Variants in CTIF observed in about 807,000 individuals in gnomAD.
CTIF encodes cap binding complex dependent translation initiation factor, also known as CBP80/20-dependent translation initiation factor.
CTIF carries 21 observed loss-of-function variants against 66.0 expected under a neutral mutation model. The ratio of observed to expected loss-of-function variants is 0.32; its 90% CI spans 0.23 to 0.46. The LOEUF (loss-of-function observed/expected upper bound fraction) is 0.46. Among genes scored for constraint, CTIF ranks in the 20% least tolerant of loss-of-function variants. The pLI, the probability that CTIF is intolerant of heterozygous loss-of-function variation, is 1.00. For missense variants in CTIF, 739 were observed against 812.7 expected, an observed-to-expected ratio of 0.91 and a Z score of 1.10; for synonymous variants, 345 against 326.4, an observed-to-expected ratio of 1.06 and a Z score of -0.62.
chr18:48,832,609 G>A (rs1376745843), intron 10 of CTIF, among the ~76,000 whole-genome samples: 9 of 152,192 alleles, frequency 5.9e-5, no homozygotes. Flanking sequence ...AGAAATCGTG[G>A]CCGAGTGTGT....
chr18:48,821,561 T>C (rs1490805486), intron 10 of CTIF, among the ~76,000 whole-genome samples: 1 of 152,242 alleles, frequency 6.6e-6, no homozygotes, highest in African/African-American at 2.4e-5. Flanking sequence ...TCCCAGTAGA[T>C]CTTGGTGGAA....
At chr18:48,548,215 G>C (rs1401089220) in intron 1 of CTIF, among the ~76,000 whole-genome samples, 3 of 152,136 alleles carry the variant, frequency 2.0e-5, no homozygotes, top group South Asian at 2.1e-4. Context: ...TCCCCATGCT[G>C]TTCCCTTATA....
chr18:48,690,073 T>C (rs1303820124), intron 6 of CTIF, among the ~76,000 whole-genome samples: 4 of 152,228 alleles, frequency 2.6e-5, no homozygotes, highest in African/African-American at 9.6e-5. Flanking sequence ...CTCCCTGTCC[T>C]ATAAGAAGGT....
chr18:48,717,761 CTG>C (rs1273882924), intron 7 of CTIF, among the ~76,000 whole-genome samples: 2 of 152,182 alleles, frequency 1.3e-5, no homozygotes, highest in Non-Finnish European at 2.9e-5. Flanking sequence ...GGGTCTTGCT[CTG>C]TCACCCAGGC....
intron 7 of CTIF, among the ~76,000 whole-genome samples, chr18:48,739,614 G>A (rs935653277): frequency 6.6e-6 from 1 of 152,228 alleles, no homozygotes; most frequent in African/African-American, 2.4e-5. Context: ...GACTGAGTGA[G>A]CCTGTGCTGA....
In CTIF at chr18:48,761,276, G is replaced by A; in HGVS notation, c.1072-114G>A. On this transcript the variant is annotated intron_variant, in intron 8 of 11. Transcript: ENST00000256413. The surrounding 1 kb of genome is among the most constrained non-coding windows in gnomAD (Gnocchi z 4.2). ...CAGAGGGACCAGCCCTCAGATCCAG[G>A]GAAGTAGGCCTGGTCCTGCTTTCTG... The A allele has an allele frequency of 2.1e-6, 2 of 968,258 alleles. No homozygotes were observed. Among genetic ancestry groups the A allele is most frequent in the Admixed American group, 2.5e-5 (1 of 40,078 alleles). 60.0% of individuals were successfully genotyped at this position (968,258 alleles called of 1,614,324 possible). A position where few individuals can be genotyped will look rare whatever the true frequency, so the allele number is the denominator to read the frequency against.
chr18:48,658,997 G>A (rs188258184), intron 3 of CTIF, among the ~76,000 whole-genome samples: 114 of 152,296 alleles, frequency 7.5e-4, no homozygotes, highest in Admixed American at 3.3e-3. Flanking sequence ...AGCATCAAGG[G>A]ACAGCAAAGG....
chr18:48,852,842 TTG>T (rs1260599499), intron 10 of CTIF, among the ~76,000 whole-genome samples: 89 of 152,352 alleles, frequency 5.8e-4, no homozygotes, highest in Middle Eastern at 3.4e-3. Context: ...ACTTCTGTTG[TTG>T]ATGATTATCA....
rs28728353 is a variant in CTIF at position 48,616,487 on chromosome 18, G to A, written c.-28-3051G>A. ...AGGGACTGAGCAGGCCACCAGGAGT[G>A]GGGATGGAGAGAAGGCAGTTGGGGT... On this transcript the variant is annotated intron_variant, in intron 1 of 11. Transcript: ENST00000256413. 6.2e-3 allele frequency among the ~76,000 whole-genome samples: 942 copies of A among 152,314 alleles called. 19 individuals carry two copies. The highest frequency in any genetic ancestry group is 0.022 in the African/African-American group (911 of 41,562).
chr18:48,746,776 G>A (rs1182962148), intron 7 of CTIF, among the ~76,000 whole-genome samples: 1 of 152,202 alleles, frequency 6.6e-6, no homozygotes, highest in Admixed American at 6.5e-5. Context: ...GAGTTCCCCT[G>A]CAGTCTTAGG....
intron 9 of CTIF, among the ~76,000 whole-genome samples, chr18:48,763,373 C>A (rs1038165155): frequency 2.0e-5 from 3 of 152,230 alleles, no homozygotes; most frequent in Non-Finnish European, 4.4e-5. Flanking sequence ...GTGGCCTCAC[C>A]CACAAGTGTC....
At chr18:48,730,460 C>CCT (rs1568171554) in intron 7 of CTIF, among the ~76,000 whole-genome samples, 9 of 100,492 alleles carry the variant, frequency 9.0e-5, no homozygotes, top group Non-Finnish European at 1.5e-4. Flanking sequence ...GAGGGGCTTC[C>CCT]GCGGTGTGAG....
chr18:48,797,494 G>GA (rs200471244), intron 9 of CTIF, among the ~76,000 whole-genome samples: 2 of 142,418 alleles, frequency 1.4e-5, no homozygotes, highest in African/African-American at 5.3e-5. Context: ...AAAAGAAAAG[G>GA]GGTGGGGGGG....
intron 1 of CTIF, among the ~76,000 whole-genome samples, chr18:48,598,794 C>T (rs1241289126): frequency 6.6e-6 from 1 of 152,138 alleles, no homozygotes; most frequent in African/African-American, 2.4e-5. Context: ...CAGCATGGGC[C>T]AAAAGTACTT....
chr18:48,734,146 T>A (rs1003407270), intron 7 of CTIF, among the ~76,000 whole-genome samples: 4 of 152,142 alleles, frequency 2.6e-5, no homozygotes, highest in Non-Finnish European at 5.9e-5. Flanking sequence ...CCAGGCTGTT[T>A]GGAAAAGAGA....
intron 6 of CTIF, among the ~76,000 whole-genome samples, chr18:48,700,659 G>A (rs1320194258): frequency 1.3e-5 from 2 of 152,336 alleles, no homozygotes; most frequent in African/African-American, 2.4e-5. Flanking sequence ...CCCCTCAAGC[G>A]TGGGCCGTGC....
intron 1 of CTIF, among the ~76,000 whole-genome samples, chr18:48,587,704 C>G (rs975880939): frequency 6.6e-6 from 1 of 152,210 alleles, no homozygotes; most frequent in African/African-American, 2.4e-5. Flanking sequence ...CTCTAAATAT[C>G]TGCAAGTTCG....
chr18:48,814,968 T>G (rs1204360360), intron 9 of CTIF, among the ~76,000 whole-genome samples: 1 of 152,216 alleles, frequency 6.6e-6, no homozygotes, highest in Non-Finnish European at 1.5e-5. Context: ...CCATGAGGTC[T>G]GCAGGCATGG....
rs960732024 is a variant in CTIF, at chr18:48,785,898, G to A, written c.1371+24209G>A. 3.9e-5 allele frequency among the ~76,000 whole-genome samples: 6 copies of A among 152,130 alleles called. No homozygotes were observed. The South Asian group carries it at 6.2e-4, about 16-fold the overall frequency. ...AAAGCTTCCCGAGTGAGCCCAACAT[G>A]CAGCCACAGCTGAGAACCACTGCCC... On this transcript the variant is annotated intron_variant, in intron 9 of 11. Coordinates refer to ENST00000256413, the MANE Select transcript of CTIF (RefSeq NM_014772.3).
Sources: allele counts gnomAD v4.1 joint callset (sites outside exome capture counted in the v4.1 genomes callset), GRCh38; gene constraint gnomAD v4.1.1; non-coding constraint Gnocchi (gnomAD v3.1); transcripts MANE v1.5; gene names NCBI Gene and HGNC (gene_info 2026-07-23, HGNC 2026-07-21).